The following PLCG2 variants were observed in gnomAD, a reference collection of about 807,000 sequenced individuals.
The protein encoded by PLCG2 is 1-phosphatidylinositol 4,5-bisphosphate phosphodiesterase gamma-2.
PLCG2 carries 69 observed loss-of-function variants against 175.6 expected under a neutral mutation model. The observed-to-expected ratio is 0.39, with a 90% confidence interval of 0.32 to 0.48. The LOEUF (loss-of-function observed/expected upper bound fraction) is 0.48. PLCG2 is among the 20% of genes least tolerant of loss of function. PLCG2 has a pLI of 0.91. For synonymous variants in PLCG2, 827 were observed against 624.0 expected (o/e 1.33, Z -4.85); for missense variants, 1,798 against 1,650.9 (o/e 1.09, Z -1.54).
At chr16:81,813,381 C>A (rs191467247) in intron 2 of PLCG2, among the ~76,000 whole-genome samples, 12 of 152,186 alleles carry the variant, frequency 7.9e-5, no homozygotes, top group Admixed American at 6.6e-4. Context: ...TGAAGAGGTC[C>A]TTCACATCCC....
chr16:81,881,081 C>A, intron 8 of PLCG2, 128 bp downstream of exon 8: 1 of 881,946 alleles, frequency 1.1e-6, no homozygotes. Flanking sequence ...GGGGCCCCTG[C>A]TGGGGAATTG....
chr16:81,842,939 G>C (rs566794335), intron 2 of PLCG2: 2 of 140,228 alleles, frequency 1.4e-5, no homozygotes, highest in Non-Finnish European at 3.1e-5. Flanking sequence ...CTGACTCTAG[G>C]AGACTCAGTG....
At chr16:81,957,248 G>C (rs758692921) in intron 32 of PLCG2, among the ~76,000 whole-genome samples, 1 of 151,724 alleles carries the variant, frequency 6.6e-6, no homozygotes, top group Non-Finnish European at 1.5e-5. Flanking sequence ...GCAGTGAGCC[G>C]AGATCACACC....
chr16:81,782,965 A>G (rs1438429226), intron 1 of PLCG2, among the ~76,000 whole-genome samples: 4 of 152,150 alleles, frequency 2.6e-5, no homozygotes, highest in Non-Finnish European at 5.9e-5. Context: ...TTACAAAGCA[A>G]TTGGTGAGAC....
chr16:81,960,494 T>C lies in PLCG2; in HGVS notation c.*2496T>C. On this transcript the variant is annotated 3_prime_UTR_variant, in exon 33 of 33. Coordinates refer to ENST00000564138, the MANE Select transcript of PLCG2 (RefSeq NM_002661.5). Reference sequence around the variant, plus strand: ...TTGGTTATTACAAGGAAAAATAAAGTGGGGAGGCTGGTTAGGCCTTGTGAG... The same window carrying C: ...TTGGTTATTACAAGGAAAAATAAAGCGGGGAGGCTGGTTAGGCCTTGTGAG... 4.3e-6 allele frequency: 1 copy of C among 231,006 alleles called. No homozygotes were observed. Among genetic ancestry groups the C allele is most frequent in the Admixed American group, 5.7e-5 (1 of 17,698 alleles). The allele number at this position is 231,006 out of a possible 1,614,324, so 14.3% of individuals were successfully genotyped here.
intron 2 of PLCG2, among the ~76,000 whole-genome samples, chr16:81,794,598 C>T (rs914654690): frequency 6.6e-6 from 1 of 152,114 alleles, no homozygotes; most frequent in African/African-American, 2.4e-5. Flanking sequence ...CTCTTTGGGC[C>T]TCCATTTCCT....
chr16:81,932,561 A>C (rs1306118790), intron 25 of PLCG2, among the ~76,000 whole-genome samples: 1 of 152,176 alleles, frequency 6.6e-6, no homozygotes, highest in Non-Finnish European at 1.5e-5. Flanking sequence ...TTCTGGCTAG[A>C]GTCAGTGAGT....
At chr16:81,864,598 G>C (rs958221025) in intron 5 of PLCG2, among the ~76,000 whole-genome samples, 3 of 152,200 alleles carry the variant, frequency 2.0e-5, no homozygotes, top group Non-Finnish European at 4.4e-5. Context: ...CCGCCTCCCA[G>C]GGCAGATGTG....
intron 22 of PLCG2, among the ~76,000 whole-genome samples, chr16:81,924,779 C>A (rs753341726): frequency 4.6e-5 from 7 of 152,230 alleles, no homozygotes; most frequent in Non-Finnish European, 8.8e-5. Flanking sequence ...CCCTGTTTGG[C>A]CTCCTTGCTG....
intron 2 of PLCG2, among the ~76,000 whole-genome samples, chr16:81,835,040 A>G (rs547393559): frequency 7.2e-4 from 110 of 151,902 alleles, no homozygotes; most frequent in African/African-American, 2.4e-3. Context: ...TCTCAGTGGG[A>G]GGAGGTGGAG....
At chr16:81,807,656 G>A (rs1331068747) in intron 2 of PLCG2, among the ~76,000 whole-genome samples, 2 of 152,198 alleles carry the variant, frequency 1.3e-5, no homozygotes, top group Admixed American at 6.5e-5. Flanking sequence ...TTGAGGCATA[G>A]CCCAGGGTCA....
At chr16:81,887,399 A>G (rs1197551820) in intron 9 of PLCG2, among the ~76,000 whole-genome samples, 2 of 152,196 alleles carry the variant, frequency 1.3e-5, no homozygotes, top group African/African-American at 2.4e-5. Context: ...GATTACAGGC[A>G]TGAGCCACCA....
intron 2 of PLCG2, among the ~76,000 whole-genome samples, chr16:81,849,396 TA>T (rs1906283933): frequency 6.6e-6 from 1 of 152,186 alleles, no homozygotes; most frequent in Non-Finnish European, 1.5e-5. Context: ...TTACCTTGTC[TA>T]AAAAAGTTTT....
chr16:81,795,007 C>G (rs1263034606), intron 2 of PLCG2, among the ~76,000 whole-genome samples: 1 of 152,160 alleles, frequency 6.6e-6, no homozygotes, highest in Non-Finnish European at 1.5e-5. Flanking sequence ...CAAGAGTTGT[C>G]TTCTATCCTG....
At chr16:81,910,761 G>C (rs759071156) in intron 18 of PLCG2, 41 bp downstream of exon 18, 2 of 1,568,070 alleles carry the variant, frequency 1.3e-6, no homozygotes, top group African/African-American at 1.3e-5. Context: ...GCGGTGGTCG[G>C]GTTAGCTCCA....
chr16:81,834,033 G>A (rs1373943661), intron 2 of PLCG2, among the ~76,000 whole-genome samples: 2 of 152,164 alleles, frequency 1.3e-5, no homozygotes, highest in Admixed American at 1.3e-4. Flanking sequence ...GTGGGAATGG[G>A]GACAGGAGGT....
At chr16:81,872,945 G>T (rs1325838983) in intron 7 of PLCG2, among the ~76,000 whole-genome samples, 1 of 152,246 alleles carries the variant, frequency 6.6e-6, no homozygotes, top group African/African-American at 2.4e-5. Context: ...CCACCTGATG[G>T]GTGACCACTG....
At chr16:81,906,194 C>T (rs1416161242) in intron 15 of PLCG2, 2 of 152,180 alleles carry the variant, frequency 1.3e-5, no homozygotes, top group African/African-American at 2.4e-5. Context: ...ACTGTGTTCA[C>T]TCAGGCTATT....
chr16:81,809,978 C>G (rs1904303554), intron 2 of PLCG2, among the ~76,000 whole-genome samples: 1 of 151,946 alleles, frequency 6.6e-6, no homozygotes, highest in Non-Finnish European at 1.5e-5. Context: ...TTGTCTGCCA[C>G]CATGGTTCTC....
Sources: allele counts gnomAD v4.1 joint callset (sites outside exome capture counted in the v4.1 genomes callset), GRCh38; gene constraint gnomAD v4.1.1; transcripts MANE v1.5; gene names NCBI Gene and HGNC (gene_info 2026-07-23, HGNC 2026-07-21).